The following MTCL3 variants were observed in gnomAD, a reference collection of about 807,000 sequenced individuals.
MTCL3 encodes the protein MTCL family member 3.
chr6:127,481,587 T>A, the MTCL3 span: 1 of 565,536 alleles, frequency 1.8e-6, no homozygotes, highest in South Asian at 7.7e-5. Flanking sequence ...TTTTCAAATT[T>A]TGAATATTTA....
At chr6:127,501,629 C>T in the MTCL3 span, among the ~76,000 whole-genome samples, 3 of 152,152 alleles carry the variant, frequency 2.0e-5, no homozygotes, top group Non-Finnish European at 4.4e-5. Flanking sequence ...CTGAGCTAGC[C>T]AGCAGATCAA....
the MTCL3 span, among the ~76,000 whole-genome samples, chr6:127,511,772 A>C: frequency 6.6e-6 from 1 of 152,226 alleles, no homozygotes; most frequent in Non-Finnish European, 1.5e-5. Flanking sequence ...AAGTAAACAG[A>C]TCACAAAAAA....
At chr6:127,515,682 C>T in the MTCL3 span, 4 of 1,540,404 alleles carry the variant, frequency 2.6e-6, no homozygotes, top group South Asian at 1.2e-5. This position sits in a 1 kb window ranked among gnomAD's most constrained non-coding sequence, Gnocchi z 4.3. Context: ...CCGCCGCCGC[C>T]ATTGGGGAGG....
chr6:127,496,396 T>G, the MTCL3 span, among the ~76,000 whole-genome samples: 2 of 152,034 alleles, frequency 1.3e-5, no homozygotes, highest in Non-Finnish European at 2.9e-5. Context: ...TGAGAAAATT[T>G]TTTTTTAAAA....
the MTCL3 span, among the ~76,000 whole-genome samples, chr6:127,474,541 C>T: frequency 6.6e-6 from 1 of 152,136 alleles, no homozygotes; most frequent in East Asian, 1.9e-4. Context: ...GGATTACAGG[C>T]ATGAGCCACA....
chr6:127,516,917 A>T, the MTCL3 span, among the ~76,000 whole-genome samples: 1 of 152,164 alleles, frequency 6.6e-6, no homozygotes, highest in African/African-American at 2.4e-5. Flanking sequence ...AAAATGACGG[A>T]TCTGAAAGCA....
the MTCL3 span, among the ~76,000 whole-genome samples, chr6:127,494,718 G>C: frequency 3.4e-3 from 515 of 152,102 alleles, 3 homozygotes; most frequent in Non-Finnish European, 5.4e-3. Flanking sequence ...GTTATTAGAG[G>C]GTCTGTCAAA....
At chr6:127,516,346 C>A in the MTCL3 span, 1 of 1,596,198 alleles carries the variant, frequency 6.3e-7, no homozygotes, top group African/African-American at 1.3e-5. Context: ...GGCGGGCGGC[C>A]CCGTGCGGCT....
chr6:127,484,213 A>T, the MTCL3 span, among the ~76,000 whole-genome samples: 1 of 152,156 alleles, frequency 6.6e-6, no homozygotes, highest in Non-Finnish European at 1.5e-5. Context: ...TTAATTTCTA[A>T]CCCATATCCA....
the MTCL3 span, among the ~76,000 whole-genome samples, chr6:127,492,867 T>G: frequency 0.12 from 17,649 of 152,228 alleles, 1,409 homozygotes; most frequent in Admixed American, 0.19. Context: ...AAATTATTTT[T>G]AAAGTTCACT....
chr6:127,476,485 G>C, the MTCL3 span: 4 of 1,539,622 alleles, frequency 2.6e-6, no homozygotes, highest in African/African-American at 1.4e-5. The surrounding 1 kb of genome is among the most constrained non-coding windows in gnomAD (Gnocchi z 4.4). Flanking sequence ...TGGGGGAAAA[G>C]AGGGAAAAGG....
chr6:127,495,977 C>A, the MTCL3 span, among the ~76,000 whole-genome samples: 2 of 152,142 alleles, frequency 1.3e-5, no homozygotes, highest in Admixed American at 6.5e-5. Context: ...CGCCTGTAAT[C>A]CTACCATTTT....
At chr6:127,511,502 T>A in the MTCL3 span, among the ~76,000 whole-genome samples, 1 of 152,186 alleles carries the variant, frequency 6.6e-6, no homozygotes, top group Non-Finnish European at 1.5e-5. Flanking sequence ...ATGAGGAAAG[T>A]CTTACATACC....
chr6:127,473,924 C>A, the MTCL3 span, among the ~76,000 whole-genome samples: 1 of 152,146 alleles, frequency 6.6e-6, no homozygotes, highest in East Asian at 1.9e-4. Flanking sequence ...CTTTAAATGG[C>A]CACCATACCT....
At chr6:127,507,842 C>CAAAAAA in the MTCL3 span, among the ~76,000 whole-genome samples, 7 of 82,088 alleles carry the variant, frequency 8.5e-5, no homozygotes, top group African/African-American at 1.7e-4. Flanking sequence ...GACTATGTCT[C>CAAAAAA]AAAAAAAAAA....
chr6:127,476,012 G>A, the MTCL3 span: 1 of 1,610,854 alleles, frequency 6.2e-7, no homozygotes, highest in Non-Finnish European at 8.5e-7. This position sits in a 1 kb window ranked among gnomAD's most constrained non-coding sequence, Gnocchi z 4.4. Flanking sequence ...GCCGTGATGC[G>A]CTTGTTCTGC....
At chr6:127,504,178 AG>A in the MTCL3 span, among the ~76,000 whole-genome samples, 16 of 152,176 alleles carry the variant, frequency 1.1e-4, no homozygotes, top group African/African-American at 3.4e-4. Context: ...CTAGATGCTG[AG>A]GGTGCCACAG....
At chr6:127,490,815 TCAAACAAACAAA>T in the MTCL3 span, among the ~76,000 whole-genome samples, 2 of 152,016 alleles carry the variant, frequency 1.3e-5, no homozygotes, top group South Asian at 2.1e-4. Flanking sequence ...AGACTCCATC[TCAAACAAACAAA>T]CAAACAAACA....
the MTCL3 span, among the ~76,000 whole-genome samples, chr6:127,489,761 T>C: frequency 6.6e-6 from 1 of 152,230 alleles, no homozygotes; most frequent in South Asian, 2.1e-4. Context: ...GAAGAAATGT[T>C]AGAAGCTAGT....
Sources: allele counts gnomAD v4.1 joint callset (sites outside exome capture counted in the v4.1 genomes callset), GRCh38; gene constraint gnomAD v4.1.1; non-coding constraint Gnocchi (gnomAD v3.1); transcripts MANE v1.5; gene names NCBI Gene and HGNC (gene_info 2026-07-23, HGNC 2026-07-21).